Variants in PKD1L1 observed in about 807,000 individuals in gnomAD.
The protein encoded by PKD1L1 is polycystin 1 like 1, transient receptor potential channel interacting, also known as polycystin-1-like protein 1.
A neutral mutation model predicts 323.4 loss-of-function variants in PKD1L1; 236 were observed. That is an observed-to-expected ratio of 0.73 (90% CI 0.66 to 0.81). The LOEUF (loss-of-function observed/expected upper bound fraction) is 0.81. Ranked by LOEUF, PKD1L1 falls within the 40% of genes least tolerant of loss-of-function variation. The probability of loss-of-function intolerance (pLI) is 0.00; values close to 1 mark genes in which losing one functional copy is unlikely to be tolerated. For missense variants in PKD1L1, 3,320 were observed against 3,508.0 expected, an observed-to-expected ratio of 0.95 and a Z score of 1.35; for synonymous variants, 1,344 against 1,335.0, an observed-to-expected ratio of 1.01 and a Z score of -0.15.
intron 8 of PKD1L1, among the ~76,000 whole-genome samples, chr7:47,913,417 G>T (rs1018445476): frequency 3.3e-5 from 5 of 152,140 alleles, no homozygotes; most frequent in African/African-American, 1.2e-4. Flanking sequence ...ATGTCGAATT[G>T]CATTCCCCAG....
intron 28 of PKD1L1, among the ~76,000 whole-genome samples, chr7:47,856,533 T>A (rs997114458): frequency 1.8e-4 from 28 of 152,224 alleles, no homozygotes; most frequent in African/African-American, 6.3e-4. Flanking sequence ...CTCATTTTCC[T>A]AGTGTAGATT....
At chr7:47,841,424 T>C (rs1785561848) in intron 34 of PKD1L1, among the ~76,000 whole-genome samples, 1 of 152,224 alleles carries the variant, frequency 6.6e-6, no homozygotes, top group African/African-American at 2.4e-5. Flanking sequence ...TGCCTTGTTC[T>C]TCTCTTGAGA....
intron 9 of PKD1L1, among the ~76,000 whole-genome samples, chr7:47,907,383 G>A (rs1175582568): frequency 6.6e-6 from 1 of 152,086 alleles, no homozygotes; most frequent in African/African-American, 2.4e-5. Context: ...CAAAGTGTAG[G>A]GACTCTTTTT....
chr7:47,927,212 AG>A (rs1329067798), intron 7 of PKD1L1, among the ~76,000 whole-genome samples: 5 of 152,092 alleles, frequency 3.3e-5, no homozygotes, highest in Non-Finnish European at 7.4e-5. Flanking sequence ...CTACATGAAA[AG>A]AAAAAAAAAC....
Position 47,851,758 on chromosome 7 carries a change from G to A in PKD1L1, c.4960+1369C>T, listed in dbSNP as rs1029000824. 4.6e-5 allele frequency among the ~76,000 whole-genome samples: 7 copies of A among 152,018 alleles called. No homozygotes were observed. In the South Asian group the frequency reaches 1.5e-3, roughly 32 times the overall value. ...TCATCTGTGAACTGAATTTAATCATGAGGAAACAGTCAGGCAATTTCCTGA... is the reference window on the plus strand; with the variant it reads ...TCATCTGTGAACTGAATTTAATCATAAGGAAACAGTCAGGCAATTTCCTGA... On this transcript the variant is annotated intron_variant, in intron 31 of 56. Coordinates refer to ENST00000289672, the MANE Select transcript of PKD1L1 (RefSeq NM_138295.5).
intron 46 of PKD1L1, among the ~76,000 whole-genome samples, chr7:47,815,972 T>C (rs1785008519): frequency 6.6e-6 from 1 of 151,940 alleles, no homozygotes; most frequent in African/African-American, 2.4e-5. Flanking sequence ...GTGGAGCCCG[T>C]GGTCATCTGA....
chr7:47,890,643 G>A lies in PKD1L1; in HGVS notation c.2574C>T (p.Asp858=). The A allele has an allele frequency of 6.2e-7, 1 of 1,614,176 alleles. No homozygotes were observed. Among genetic ancestry groups the A allele is most frequent in the Non-Finnish European group, 8.5e-7 (1 of 1,180,032 alleles). The change falls in exon 16 of 57, where the codon GAC becomes GAT. Residue 858 remains aspartate (D), a synonymous_variant. Transcript: ENST00000289672. ...GCATCACAAGGAACTGATCATAGCT[G>A]TCACTGAGCCATTGTGCCTCAAAGG... ...TVSFEAQWLS[D]SYDQFLVMLR...
intron 2 of PKD1L1, 113 bp downstream of exon 2, chr7:47,943,279 CTTCT>C: frequency 1.2e-6 from 1 of 804,162 alleles, no homozygotes; most frequent in Non-Finnish European, 2.0e-6. Flanking sequence ...TCTGACCTTC[CTTCT>C]GTTTCTTAAA....
At chr7:47,930,295 G>C (rs1787741697) in intron 6 of PKD1L1, among the ~76,000 whole-genome samples, 1 of 151,988 alleles carries the variant, frequency 6.6e-6, no homozygotes, top group Non-Finnish European at 1.5e-5. Context: ...CACGGGGTCA[G>C]GAGATCGAGA....
chr7:47,935,560 G>A (rs1263753274), intron 4 of PKD1L1, among the ~76,000 whole-genome samples: 1 of 152,226 alleles, frequency 6.6e-6, no homozygotes, highest in African/African-American at 2.4e-5. Context: ...GACTGCAATG[G>A]GGGGGAACAC....
At position 47,943,453 on chromosome 7, in the gene PKD1L1, T is replaced by C. The variant is rs781521614; in HGVS notation, c.103A>G (p.Lys35Glu). ...CTGCACAGATGAAGACCCCAGCTCT[T>C]GTCAGTGCTCACAGACAGCTCACCA... ...FGGELSVSTD[K>E]SWGLHLCSCS... The change falls in exon 2 of 57, where the codon AAG becomes GAG. Residue 35 changes from lysine (K) to glutamate (E), a missense_variant. Lys to Glu is a moderately conservative substitution (Grantham distance 56). Transcript: ENST00000289672. 40 of 1,613,448 alleles carry C rather than the reference T, an allele frequency of 2.5e-5. No homozygotes were observed. The highest frequency in any genetic ancestry group is 3.1e-5 in the Non-Finnish European group (37 of 1,179,686).
In PKD1L1 at chr7:47,814,801, C is replaced by T. The variant is rs540245502; in HGVS notation, c.7089+533G>A. ...TGCTGGGATTACAGGTGTGAGCCAC[C>T]GCGCCCAGGATATTTCATTTTTAAA... On this transcript the variant is annotated intron_variant, in intron 47 of 56. Coordinates refer to ENST00000289672, the MANE Select transcript of PKD1L1 (RefSeq NM_138295.5). Among the ~76,000 whole-genome samples, 10 of 152,294 alleles carry T rather than the reference C, an allele frequency of 6.6e-5. No individual in the cohort carries two copies. In the East Asian group the frequency reaches 9.7e-4, roughly 15 times the overall value.
chr7:47,930,260 C>T (rs986262772), intron 6 of PKD1L1, among the ~76,000 whole-genome samples: 1 of 151,338 alleles, frequency 6.6e-6, no homozygotes, highest in Non-Finnish European at 1.5e-5. Context: ...GTGCATGTCC[C>T]GTTAAAAAAC....
intron 52 of PKD1L1, among the ~76,000 whole-genome samples, chr7:47,806,749 G>A (rs542137548): frequency 1.3e-5 from 2 of 152,308 alleles, no homozygotes; most frequent in African/African-American, 2.4e-5. Context: ...CCCTTTTATT[G>A]CTTATAGTTC....
chr7:47,939,909 C>CT (rs1210848367), intron 3 of PKD1L1, among the ~76,000 whole-genome samples: 2 of 151,924 alleles, frequency 1.3e-5, no homozygotes, highest in East Asian at 1.9e-4. Context: ...ACCTGCAGGG[C>CT]AGCCCCCACT....
chr7:47,937,271 GCGC>G (rs1180059710), intron 3 of PKD1L1, among the ~76,000 whole-genome samples: 20 of 85,424 alleles, frequency 2.3e-4, no homozygotes, highest in African/African-American at 6.1e-4. Context: ...GGGGGGGGGG[GCGC>G]GGTGCTTTTT....
At chr7:47,884,259 G>A (rs1786631971) in intron 19 of PKD1L1, among the ~76,000 whole-genome samples, 2 of 152,286 alleles carry the variant, frequency 1.3e-5, no homozygotes, top group South Asian at 4.1e-4. Flanking sequence ...CAGACCTGAA[G>A]GAGGAGGCTC....
At chr7:47,884,157 G>C (rs1377454824) in intron 19 of PKD1L1, among the ~76,000 whole-genome samples, 1 of 145,040 alleles carries the variant, frequency 6.9e-6, no homozygotes, top group African/African-American at 2.8e-5. Context: ...GCTGGTGTGT[G>C]TGTGTGTGTT....
At position 47,834,971 on chromosome 7, in the gene PKD1L1, G is replaced by C; in HGVS notation, c.6123C>G (p.Pro2041=). Residue 2041 remains proline (P), a synonymous_variant, in exon 39 of 57, where the codon CCC becomes CCG. Coordinates refer to ENST00000289672, the MANE Select transcript of PKD1L1 (RefSeq NM_138295.5). ...AGAGTTTTAATGTACATTTACCATG[G>C]GGTGCCTCGGTCTGTGCTCCTCCTC... is the stretch of plus-strand genomic sequence containing the variant. ...PLRGGAQTEA[P]HGPNSWGRIP... is the part of the protein sequence containing the mutation. 1.2e-6 allele frequency: 2 copies of C among 1,613,320 alleles called. No homozygotes were observed. Among genetic ancestry groups the C allele is most frequent in the Non-Finnish European group, 1.7e-6 (2 of 1,179,400 alleles).
Sources: gnomAD v4.1 joint callset for allele counts (sites outside exome capture counted in the v4.1 genomes callset) on GRCh38, gnomAD v4.1.1 for gene constraint, MANE v1.5 for transcripts, NCBI Gene and HGNC (gene_info 2026-07-23, HGNC 2026-07-21) for gene names.